SIPA1L1: variants seen among roughly 807,000 people sequenced by gnomAD.
SIPA1L1 encodes the protein signal induced proliferation associated 1 like 1.
A neutral mutation model predicts 162.7 loss-of-function variants in SIPA1L1; 26 were observed. That is an observed-to-expected ratio of 0.16 (90% CI 0.12 to 0.22). The LOEUF (loss-of-function observed/expected upper bound fraction) is 0.22, where lower values mean the gene tolerates loss of function less well. Ranked by LOEUF, SIPA1L1 falls within the 10% of genes least tolerant of loss-of-function variation. SIPA1L1 has a pLI of 1.00. For synonymous variants in SIPA1L1, 829 were observed against 837.4 expected, an observed-to-expected ratio of 0.99 and a Z score of 0.17; for missense variants, 1,874 against 2,241.0, an observed-to-expected ratio of 0.84 and a Z score of 3.31.
chr14:71,563,352 A>T (rs530529350), intron 4 of SIPA1L1, among the ~76,000 whole-genome samples: 11 of 149,616 alleles, frequency 7.4e-5, no homozygotes, highest in African/African-American at 2.2e-4. Flanking sequence ...CTTCTTTAAA[A>T]TTTTTTCTGT....
chr14:71,691,678 C>G (rs979265026), intron 13 of SIPA1L1, among the ~76,000 whole-genome samples: 2 of 152,152 alleles, frequency 1.3e-5, no homozygotes, highest in Non-Finnish European at 2.9e-5. Context: ...GGGAGTGGCT[C>G]TCTCCTCTGC....
chr14:71,663,635 A>G (rs1053869838), intron 10 of SIPA1L1, among the ~76,000 whole-genome samples: 4 of 152,290 alleles, frequency 2.6e-5, no homozygotes, highest in African/African-American at 9.6e-5. Flanking sequence ...CTCCTTCTTC[A>G]GTGCTTTGTT....
rs1379671338 is a variant in SIPA1L1 at position 71,683,079 on chromosome 14, A to G, written c.3105-2283A>G. Among the ~76,000 whole-genome samples the G allele has an allele frequency of 2.0e-5, 3 of 152,200 alleles. No individual in the cohort carries two copies. In the East Asian group the frequency reaches 5.8e-4, roughly 29 times the overall value. On this transcript the variant is annotated intron_variant, in intron 12 of 23. Coordinates refer to ENST00000381232, the MANE Select transcript of SIPA1L1 (RefSeq NM_001386936.1). ...TGAGATGGGAGAATCACTTGAGCCCAGGAGGTTGAGGCTGTGGTGAACCTT... is the reference window on the plus strand; with the variant it reads ...TGAGATGGGAGAATCACTTGAGCCCGGGAGGTTGAGGCTGTGGTGAACCTT...
At chr14:71,684,543 A>C (rs1452726317) in intron 12 of SIPA1L1, among the ~76,000 whole-genome samples, 2 of 152,228 alleles carry the variant, frequency 1.3e-5, no homozygotes, top group East Asian at 3.8e-4. Flanking sequence ...ATGGTCTGTA[A>C]GCTGCTCGTA....
chr14:71,367,467 C>T (rs972770544), intron 2 of SIPA1L1, among the ~76,000 whole-genome samples: 15 of 150,200 alleles, frequency 1.0e-4, no homozygotes, highest in African/African-American at 2.2e-4. Context: ...CCACCGCGCC[C>T]GGCTAATTTT....
intron 2 of SIPA1L1, among the ~76,000 whole-genome samples, chr14:71,496,556 G>T (rs2049800272): frequency 6.6e-6 from 1 of 152,182 alleles, no homozygotes; most frequent in African/African-American, 2.4e-5. Context: ...ACCTTAAAAA[G>T]AATGTGTATT....
chr14:71,661,431 G>T lies in SIPA1L1; in HGVS notation c.2219G>T (p.Arg740Met), dbSNP rs1180953856. 2.5e-6 allele frequency: 4 copies of T among 1,614,058 alleles called. No individual in the cohort carries two copies. The highest frequency in any genetic ancestry group is 1.7e-6 in the Non-Finnish European group (2 of 1,179,960). The stretch of plus-strand genomic sequence containing the variant: ...TTCCAGCACGTTTTCGTCATCGTCA[G>T]GGTGCACAATCCGTGCTCTGACAGT... ...SHFQHVFVIV[R>M]VHNPCSDSVC... The change falls in exon 10 of 24, where the codon AGG (arginine) becomes ATG (methionine). Residue 740 changes from arginine to methionine, a missense_variant. Transcript: ENST00000381232.
intron 4 of SIPA1L1, among the ~76,000 whole-genome samples, chr14:71,542,367 C>CCTG (rs142934736): frequency 4.4e-5 from 6 of 137,496 alleles, no homozygotes; most frequent in Admixed American, 1.5e-4. Flanking sequence ...TCTTCTTCTT[C>CCTG]CTGCTGCTGC....
At chr14:71,629,387 A>G (rs766854854) in intron 7 of SIPA1L1, among the ~76,000 whole-genome samples, 3 of 152,208 alleles carry the variant, frequency 2.0e-5, no homozygotes, top group Non-Finnish European at 2.9e-5. Context: ...ACCAGTCACA[A>G]TTAGAGTCTG....
chr14:71,389,282 G>A (rs2040568149), intron 2 of SIPA1L1, among the ~76,000 whole-genome samples: 2 of 152,144 alleles, frequency 1.3e-5, no homozygotes, highest in South Asian at 4.1e-4. Flanking sequence ...GTTTTAAGAG[G>A]AAAGAAAAAT....
At chr14:71,403,672 T>C (rs1451811737) in intron 2 of SIPA1L1, among the ~76,000 whole-genome samples, 2 of 152,080 alleles carry the variant, frequency 1.3e-5, no homozygotes, top group Non-Finnish European at 2.9e-5. Context: ...ATGGCTATCC[T>C]TTTTATCAAT....
At chr14:71,590,726 T>C (rs1258357430) in intron 5 of SIPA1L1, among the ~76,000 whole-genome samples, 1 of 152,238 alleles carries the variant, frequency 6.6e-6, no homozygotes, top group Admixed American at 6.5e-5. Context: ...GTTTATATTT[T>C]AGAAATTACA....
chr14:71,369,889 G>A (rs2038716355), intron 2 of SIPA1L1, among the ~76,000 whole-genome samples: 1 of 141,970 alleles, frequency 7.0e-6, no homozygotes, highest in South Asian at 2.3e-4. Context: ...TCCCTTGTAA[G>A]TTGGATTCCT....
At chr14:71,405,633 TCTA>T (rs2041980543) in intron 2 of SIPA1L1, among the ~76,000 whole-genome samples, 1 of 152,192 alleles carries the variant, frequency 6.6e-6, no homozygotes, top group Non-Finnish European at 1.5e-5. Context: ...TCGGAGTTAC[TCTA>T]CTGTGACACA....
At chr14:71,494,236 T>C (rs1039856974) in intron 2 of SIPA1L1, among the ~76,000 whole-genome samples, 2 of 152,232 alleles carry the variant, frequency 1.3e-5, no homozygotes, top group African/African-American at 4.8e-5. Flanking sequence ...AGTCTTTTAC[T>C]GTTGGTATGA....
chr14:71,387,431 A>C (rs974500050), intron 2 of SIPA1L1, among the ~76,000 whole-genome samples: 1 of 152,136 alleles, frequency 6.6e-6, no homozygotes, highest in South Asian at 2.1e-4. Context: ...AGCTATGATC[A>C]TGCCACCCTG....
intron 19 of SIPA1L1, among the ~76,000 whole-genome samples, chr14:71,726,930 T>C (rs930382498): frequency 2.6e-5 from 4 of 152,092 alleles, no homozygotes; most frequent in Non-Finnish European, 4.4e-5. Context: ...GGCTTCAGGA[T>C]ACTAGGTGTC....
intron 4 of SIPA1L1, among the ~76,000 whole-genome samples, chr14:71,583,441 A>G (rs1261025800): frequency 6.6e-6 from 1 of 152,176 alleles, no homozygotes; most frequent in Non-Finnish European, 1.5e-5. Context: ...ATCTGAGAAG[A>G]TCTCATTTTG....
intron 4 of SIPA1L1, among the ~76,000 whole-genome samples, chr14:71,563,891 C>T (rs1423565004): frequency 6.6e-6 from 1 of 152,174 alleles, no homozygotes; most frequent in Non-Finnish European, 1.5e-5. Context: ...TTTCCACAGT[C>T]ATACAGAAAG....
Sources: gnomAD v4.1 joint callset for allele counts (sites outside exome capture counted in the v4.1 genomes callset) on GRCh38, gnomAD v4.1.1 for gene constraint, MANE v1.5 for transcripts, NCBI Gene and HGNC (gene_info 2026-07-23, HGNC 2026-07-21) for gene names.